Variants in DDX49 observed in about 807,000 individuals in gnomAD.
DDX49 encodes the protein probable ATP-dependent RNA helicase DDX49.
A neutral mutation model predicts 56.3 loss-of-function variants in DDX49; 50 were observed. The ratio of observed to expected loss-of-function variants is 0.89; its 90% CI spans 0.71 to 1.12. DDX49 has a LOEUF of 1.12. Among genes scored for constraint, DDX49 ranks in the 50% most tolerant of loss-of-function variants. DDX49 has a pLI of 0.00. For missense variants in DDX49, 614 were observed against 650.5 expected (o/e 0.94, Z 0.61); for synonymous variants, 269 against 270.6 (o/e 0.99, Z 0.06).
chr19:18,924,882 G>A lies in DDX49; in HGVS notation c.930G>A (p.Arg310=), dbSNP rs2145104068. The change falls in exon 9 of 13, where the codon CGG becomes CGA. Residue 310 remains arginine (R), a splice_region_variant and synonymous_variant. Coordinates refer to ENST00000247003, the MANE Select transcript of DDX49 (RefSeq NM_019070.5). ...RILIATDVAS[R]GLDIPTVQVV... ...GCTGACCAGCCACCTCTGCCTCCAG[G>A]GGCCTGGACATCCCTACGGTACAGG... 1 of 1,612,882 alleles carries A rather than the reference G, an allele frequency of 6.2e-7. No homozygotes were observed. The highest frequency in any genetic ancestry group is 8.5e-7 in the Non-Finnish European group (1 of 1,179,994).
At chr19:18,923,319 C>T (rs1352110136) in intron 6 of DDX49, among the ~76,000 whole-genome samples, 2 of 152,112 alleles carry the variant, frequency 1.3e-5, no homozygotes, top group Non-Finnish European at 1.5e-5. Context: ...GTCAGGAGTT[C>T]GAGACCAGCC....
In DDX49 at chr19:18,922,531, A is replaced by T; in HGVS notation, c.635+18A>T. On this transcript the variant is annotated intron_variant, in intron 5 of 12. Coordinates refer to ENST00000247003, the MANE Select transcript of DDX49 (RefSeq NM_019070.5). Reference sequence around the variant, plus strand: ...CAGGCCCCGTGAGTCCACAGCCCAGACAGCGTGGGGAGGGCAGCCCCATCC... The same window carrying T: ...CAGGCCCCGTGAGTCCACAGCCCAGTCAGCGTGGGGAGGGCAGCCCCATCC... 1.3e-6 allele frequency: 2 copies of T among 1,598,442 alleles called. No homozygotes were observed. Among genetic ancestry groups the T allele is most frequent in the Admixed American group, 1.7e-5 (1 of 59,744 alleles).
intron 1 of DDX49, among the ~76,000 whole-genome samples, chr19:18,920,251 C>T (rs1172841829): frequency 1.3e-5 from 2 of 152,192 alleles, no homozygotes; most frequent in Non-Finnish European, 2.9e-5. Flanking sequence ...AAGGTCTTCT[C>T]TCTGCTCCTC....
intron 9 of DDX49, 43 bp downstream of exon 9, chr19:18,925,022 T>G: frequency 6.3e-7 from 1 of 1,592,492 alleles, no homozygotes; most frequent in Admixed American, 1.7e-5. Context: ...CCTCTGTCCC[T>G]CCAGCCTGCC....
In DDX49 at chr19:18,921,843, A is replaced by G; in HGVS notation, c.326A>G (p.Asp109Gly). The change falls in exon 4 of 13, where the codon GAC (aspartate) becomes GGC (glycine). Residue 109 changes from aspartate to glycine, a missense_variant and splice_region_variant. Asp to Gly is a moderately conservative substitution (Grantham distance 94). Transcript: ENST00000247003. ...LKDCIIVGGMDMVAQALELSR... is the reference protein window; with the variant it reads ...LKDCIIVGGMGMVAQALELSR... ...CTGCCTCTCATGCTCTGTCCCCCAG[A>G]CATGGTGGCCCAGGCGCTGGAGCTC... 1.2e-6 allele frequency: 2 copies of G among 1,614,000 alleles called. No individual in the cohort carries two copies. The highest frequency in any genetic ancestry group is 1.1e-5 in the South Asian group (1 of 91,078).
chr19:18,924,646 CA>C lies in DDX49; in HGVS notation c.878del (p.Lys293SerfsTer10). The C allele has an allele frequency of 6.2e-7, 1 of 1,614,220 alleles. No individual in the cohort carries two copies. Among genetic ancestry groups the C allele is most frequent in the Non-Finnish European group, 8.5e-7 (1 of 1,180,050 alleles). On this transcript the variant is annotated frameshift_variant, in exon 8 of 13. Transcript: ENST00000247003. LOFTEE classifies it high-confidence loss of function. ...KQKERFAALA[K>X]FKSSIYRILI... Reference sequence around the variant, plus strand: ...AGAAAGAACGCTTTGCCGCCCTAGCCAAGTTCAAGTCCAGCATCTACCGGAT... The same window carrying C: ...AGAAAGAACGCTTTGCCGCCCTAGCCAGTTCAAGTCCAGCATCTACCGGAT...
rs552862235 is a variant in DDX49 at position 18,924,804 on chromosome 19, G to A, written c.930-78G>A. The A allele has an allele frequency of 2.0e-5, 33 of 1,612,500 alleles. No individual in the cohort carries two copies. The South Asian group carries it at 3.3e-4, about 16-fold the overall frequency. On this transcript the variant is annotated intron_variant, in intron 8 of 12. Coordinates refer to ENST00000247003, the MANE Select transcript of DDX49 (RefSeq NM_019070.5). The stretch of plus-strand genomic sequence containing the variant: ...CATGTCAGGCAGCCCTAGCATCCCT[G>A]CTGAGTGACCCTGGGTGAGTCCTTG...
At chr19:18,922,794 G>A (rs1309224084) in intron 6 of DDX49, 50 bp downstream of exon 6, 1 of 1,590,974 alleles carries the variant, frequency 6.3e-7, no homozygotes. Context: ...AGGAGGAGGT[G>A]GCCCGACGTC....
At chr19:18,923,286 C>T (rs2056933996) in intron 6 of DDX49, among the ~76,000 whole-genome samples, 1 of 152,146 alleles carries the variant, frequency 6.6e-6, no homozygotes, top group Admixed American at 6.5e-5. Context: ...CTTTGGGAGG[C>T]CGAGGTAGGC....
In DDX49 at chr19:18,922,308, C is replaced by A; in HGVS notation, c.448-18C>A. The A allele has an allele frequency of 3.7e-6, 6 of 1,605,734 alleles. No homozygotes were observed. Among genetic ancestry groups the A allele is most frequent in the Non-Finnish European group, 5.1e-6 (6 of 1,177,336 alleles). ...GCCATGGACGGCACCCTCACCCCTG[C>A]CCCCATTGGCACGGCAGGTGATGGA... On this transcript the variant is annotated intron_variant, in intron 4 of 12. Coordinates refer to ENST00000247003, the MANE Select transcript of DDX49 (RefSeq NM_019070.5).
Position 18,921,730 on chromosome 19 carries a change from A to T in DDX49, c.307A>T (p.Ile103Phe). 6.2e-7 allele frequency: 1 copy of T among 1,614,124 alleles called. No individual in the cohort carries two copies. Among genetic ancestry groups the T allele is most frequent in the Non-Finnish European group, 8.5e-7 (1 of 1,180,006 alleles). The change falls in exon 3 of 13, where the codon ATC (isoleucine) becomes TTC (phenylalanine). Residue 103 changes from isoleucine to phenylalanine, a missense_variant. Transcript: ENST00000247003. The stretch of plus-strand genomic sequence containing the variant: ...GAAGCCTCTAGGGCTGAAAGACTGC[A>T]TCATCGTCGGTGGCATGGGTACGGG... ...LGKPLGLKDC[I>F]IVGGMDMVAQ...
chr19:18,922,488 C>T lies in DDX49; in HGVS notation c.610C>T (p.Pro204Ser), dbSNP rs1283721709. ...RELQGLATNQ[P>S]FFWEAQAPVS... Reference sequence around the variant, plus strand: ...GCTGCAGGGTCTGGCCACCAACCAGCCCTTCTTCTGGGAAGCACAGGCCCC... The same window carrying T: ...GCTGCAGGGTCTGGCCACCAACCAGTCCTTCTTCTGGGAAGCACAGGCCCC... Residue 204 changes from proline (P) to serine (S), a missense_variant, in exon 5 of 13, where the codon CCC becomes TCC. Coordinates refer to ENST00000247003, the MANE Select transcript of DDX49 (RefSeq NM_019070.5). 1.6e-5 allele frequency: 25 copies of T among 1,600,464 alleles called. No homozygotes were observed. The highest frequency in any genetic ancestry group is 2.0e-5 in the Non-Finnish European group (24 of 1,176,378).
intron 10 of DDX49, 141 bp downstream of exon 10, chr19:18,926,518 GGCACCCCCAAAA>G: frequency 2.3e-6 from 2 of 852,204 alleles, no homozygotes; most frequent in Non-Finnish European, 3.7e-6. Flanking sequence ...TCCTTCCCTA[GGCACCCCCAAAA>G]GAAGTTCTTT....
rs754481734 is a variant in DDX49, at chr19:18,927,986, G to C, written c.1213G>C (p.Asp405His). The part of the protein sequence containing the change: ...CEIKLEAAHF[D>H]EKKEINKRKQ... ...CCAGAAACTGGAGGCGGCCCACTTT[G>C]ACGAAAAGAAGGAGATCAACAAACG... Residue 405 changes from aspartate (D) to histidine (H), a missense_variant, in exon 12 of 13, where the codon GAC becomes CAC. Coordinates refer to ENST00000247003, the MANE Select transcript of DDX49 (RefSeq NM_019070.5). The C allele has an allele frequency of 1.2e-5, 19 of 1,613,730 alleles. No individual in the cohort carries two copies. The highest frequency in any genetic ancestry group is 1.7e-5 in the Admixed American group (1 of 59,978).
chr19:18,920,923 T>C (rs1210734641), intron 2 of DDX49: 2 of 342,282 alleles, frequency 5.8e-6, no homozygotes, highest in African/African-American at 2.1e-5. Context: ...AGCGGATCAC[T>C]TGAGGCCAGG....
intron 9 of DDX49, among the ~76,000 whole-genome samples, chr19:18,925,926 C>T (rs1402254130): frequency 6.6e-6 from 1 of 152,196 alleles, no homozygotes; most frequent in Non-Finnish European, 1.5e-5. Context: ...GGACCTTGTC[C>T]ACCATCAGTG....
chr19:18,923,246 G>A (rs2145101325), intron 6 of DDX49, among the ~76,000 whole-genome samples: 1 of 152,314 alleles, frequency 6.6e-6, no homozygotes, highest in South Asian at 2.1e-4. Flanking sequence ...TTGGGACTGG[G>A]TGCAGTGACT....
intron 9 of DDX49, 146 bp downstream of exon 9, chr19:18,925,125 T>A: frequency 1.1e-6 from 1 of 889,146 alleles, no homozygotes; most frequent in Non-Finnish European, 1.6e-6. Flanking sequence ...TTGTCCTTTC[T>A]AAAGCAAAGG....
intron 10 of DDX49, among the ~76,000 whole-genome samples, chr19:18,926,823 A>T (rs1197588448): frequency 6.6e-6 from 1 of 152,162 alleles, no homozygotes; most frequent in Non-Finnish European, 1.5e-5. Flanking sequence ...TTGTAATCCT[A>T]GCACTTTGAG....
Sources: allele counts gnomAD v4.1 joint callset (sites outside exome capture counted in the v4.1 genomes callset), GRCh38; gene constraint gnomAD v4.1.1; transcripts MANE v1.5; gene names NCBI Gene and HGNC (gene_info 2026-07-23, HGNC 2026-07-21).